Variants in HHIP observed in about 807,000 individuals in gnomAD.
The protein encoded by HHIP is hedgehog-interacting protein.
A neutral mutation model predicts 74.0 loss-of-function variants in HHIP; 12 were observed. That is an observed-to-expected ratio of 0.16 (90% CI 0.10 to 0.26). HHIP has a LOEUF of 0.26. HHIP is among the 10% of genes least tolerant of loss of function. The pLI is 1.00. For missense variants in HHIP, 788 were observed against 845.0 expected, an observed-to-expected ratio of 0.93 and a Z score of 0.84; for synonymous variants, 309 against 311.6, an observed-to-expected ratio of 0.99 and a Z score of 0.09.
intron 2 of HHIP, among the ~76,000 whole-genome samples, chr4:144,654,714 A>C (rs1728515623): frequency 6.6e-6 from 1 of 152,236 alleles, no homozygotes; most frequent in African/African-American, 2.4e-5. Context: ...CAATTGTGGA[A>C]CACAGATTTT....
chr4:144,676,187 T>C (rs1729164393), intron 4 of HHIP, among the ~76,000 whole-genome samples: 1 of 152,222 alleles, frequency 6.6e-6, no homozygotes, highest in African/African-American at 2.4e-5. Context: ...TACACAGCCA[T>C]CTGCTTCCAA....
At chr4:144,654,717 C>T (rs1167049345) in intron 2 of HHIP, among the ~76,000 whole-genome samples, 7 of 152,144 alleles carry the variant, frequency 4.6e-5, no homozygotes, top group African/African-American at 7.2e-5. Context: ...TTGTGGAACA[C>T]AGATTTTTTG....
At chr4:144,661,383 C>G (rs1036665043) in intron 4 of HHIP, 1 of 152,074 alleles carries the variant, frequency 6.6e-6, no homozygotes, top group South Asian at 2.1e-4. Context: ...GAAGAGCTCC[C>G]AGGTTTCTGG....
intron 4 of HHIP, among the ~76,000 whole-genome samples, chr4:144,698,961 C>A (rs1729899903): frequency 6.6e-6 from 1 of 152,118 alleles, no homozygotes; most frequent in South Asian, 2.1e-4. Flanking sequence ...GGCTAAGTAA[C>A]CTTTCAGGTT....
chr4:144,729,678 G>A (rs1730895091), intron 11 of HHIP, among the ~76,000 whole-genome samples: 1 of 152,132 alleles, frequency 6.6e-6, no homozygotes, highest in Non-Finnish European at 1.5e-5. Flanking sequence ...TTGCAAGGGT[G>A]CTCTTTTCCA....
rs866132904 is a variant in HHIP, at chr4:144,745,226, T to G, written c.*7269T>G. The G allele has an allele frequency of 1.3e-5, 2 of 152,212 alleles. No individual in the cohort carries two copies. Among genetic ancestry groups the G allele is most frequent in the Admixed American group, 6.5e-5 (1 of 15,286 alleles). 9.4% of individuals were successfully genotyped at this position (152,212 alleles called of 1,614,324 possible). A position where few individuals can be genotyped will look rare whatever the true frequency, so the allele number is the denominator to read the frequency against. ...ATTTGGTTAGATTGGCTGTGTTTTG[T>G]GTCTTTTAACATGATCAAATGATTA... On this transcript the variant is annotated 3_prime_UTR_variant, in exon 13 of 13. Transcript: ENST00000296575.
chr4:144,697,334 T>C (rs1729848643), intron 4 of HHIP, among the ~76,000 whole-genome samples: 1 of 152,042 alleles, frequency 6.6e-6, no homozygotes, highest in African/African-American at 2.4e-5. Flanking sequence ...AGGCTTATTG[T>C]TTTATTACTT....
At chr4:144,704,074 T>C (rs559779363) in intron 4 of HHIP, among the ~76,000 whole-genome samples, 2 of 152,342 alleles carry the variant, frequency 1.3e-5, no homozygotes, top group Non-Finnish European at 2.9e-5. Flanking sequence ...AGTATATCTA[T>C]CTGTCCTTTC....
At position 144,734,760 on chromosome 4, in the gene HHIP, T is replaced by A; in HGVS notation, c.1780T>A (p.Cys594Ser). The change falls in exon 12 of 13, where the codon TGC becomes AGC. Residue 594 changes from cysteine to serine, a missense_variant. By Grantham distance (112) the Cys-to-Ser change is moderately radical. Around this residue, in one of 3 missense-constraint regions of HHIP, gnomAD observed 343 missense variants for 347.9 expected, o/e 0.99. Transcript: ENST00000296575. ...ATGTAGACCTTTAATGCCTGAGGAA[T>A]GCAGAGCCACGGTACAACCTGCACA... The part of the protein sequence containing the change: ...DPKRPLMPEE[C>S]RATVQPAQTL... 6.3e-7 allele frequency: 1 copy of A among 1,595,018 alleles called. No homozygotes were observed. The highest frequency in any genetic ancestry group is 1.3e-5 in the African/African-American group (1 of 74,832).
intron 4 of HHIP, among the ~76,000 whole-genome samples, chr4:144,705,801 G>C (rs1439018291): frequency 6.6e-6 from 1 of 152,116 alleles, no homozygotes; most frequent in Non-Finnish European, 1.5e-5. Context: ...TTGGGATTTT[G>C]CTTTAATTTC....
intron 4 of HHIP, among the ~76,000 whole-genome samples, chr4:144,666,216 C>A (rs1728856814): frequency 6.6e-6 from 1 of 150,540 alleles, no homozygotes; most frequent in Non-Finnish European, 1.5e-5. Context: ...GTACAGAATT[C>A]CCTTTTGAAG....
In HHIP at chr4:144,734,833, C is replaced by T. The variant is rs1731063748; in HGVS notation, c.1853C>T (p.Thr618Ile). The stretch of plus-strand genomic sequence containing the variant: ...AGGCTCTGTCGAAACGGCTACTGCA[C>T]CCCCACGGGAAAGTGCTGCTGCAGT... ...CSRLCRNGYCTPTGKCCCSPG... is the reference protein window; with the variant it reads ...CSRLCRNGYCIPTGKCCCSPG... The change falls in exon 12 of 13, where the codon ACC becomes ATC. Residue 618 changes from threonine to isoleucine, a missense_variant. Physicochemically the swap from Thr to Ile is moderately conservative, Grantham distance 89. Coordinates refer to ENST00000296575, the MANE Select transcript of HHIP (RefSeq NM_022475.3). 1 of 1,612,670 alleles carries T rather than the reference C, an allele frequency of 6.2e-7. No individual in the cohort carries two copies. The highest frequency in any genetic ancestry group is 1.7e-5 in the Admixed American group (1 of 59,974).
Position 144,739,140 on chromosome 4 carries a change from A to G in HHIP, c.*1183A>G, listed in dbSNP as rs977169234. The G allele has an allele frequency of 6.6e-6, 1 of 152,260 alleles. No individual in the cohort carries two copies. The highest frequency in any genetic ancestry group is 1.5e-5 in the Non-Finnish European group (1 of 68,040). 9.4% of individuals were successfully genotyped at this position (152,260 alleles called of 1,614,324 possible). A position where few individuals can be genotyped will look rare whatever the true frequency, so the allele number is the denominator to read the frequency against. On this transcript the variant is annotated 3_prime_UTR_variant, in exon 13 of 13. Coordinates refer to ENST00000296575, the MANE Select transcript of HHIP (RefSeq NM_022475.3). ...AATGTACGTGTTCCTTCAGAACTCA[A>G]TGAAAATACTCTTTGGCTAATGTAT...
rs1325394436 is a variant in HHIP at position 144,646,569 on chromosome 4, C to T, written c.-107C>T. The T allele has an allele frequency of 8.7e-7, 1 of 1,153,706 alleles. No homozygotes were observed. Among genetic ancestry groups the T allele is most frequent in the Non-Finnish European group, 1.2e-6 (1 of 806,246 alleles). The allele number at this position is 1,153,706 out of a possible 1,614,324, so 71.5% of individuals were successfully genotyped here. The stretch of plus-strand genomic sequence containing the variant: ...CCACCTCCCTCTGTCTCTGGAGTGC[C>T]CTACAGCCCCGCAAACTCCTCCTGG... On this transcript the variant is annotated 5_prime_UTR_variant, in exon 1 of 13. Coordinates refer to ENST00000296575, the MANE Select transcript of HHIP (RefSeq NM_022475.3).
chr4:144,666,052 T>G (rs1439258047), intron 4 of HHIP, among the ~76,000 whole-genome samples: 1 of 152,194 alleles, frequency 6.6e-6, no homozygotes, highest in Non-Finnish European at 1.5e-5. Context: ...AAGTGAGATA[T>G]CTACCATCTT....
chr4:144,681,350 A>AT (rs1464869112), intron 4 of HHIP, among the ~76,000 whole-genome samples: 2 of 152,114 alleles, frequency 1.3e-5, no homozygotes, highest in Admixed American at 6.5e-5. Flanking sequence ...TGCACTAAAC[A>AT]TAAAAAAAAA....
At chr4:144,656,475 A>C (rs911018667) in intron 2 of HHIP, among the ~76,000 whole-genome samples, 21 of 152,170 alleles carry the variant, frequency 1.4e-4, no homozygotes, top group Admixed American at 2.6e-4. Context: ...ATTCCCTTTA[A>C]ATTGGAATTG....
intron 8 of HHIP, 99 bp downstream of exon 8, chr4:144,712,170 G>A (rs1010799734): frequency 9.2e-7 from 1 of 1,090,528 alleles, no homozygotes; most frequent in African/African-American, 1.6e-5. Flanking sequence ...ATGAGCATTT[G>A]GGAAAGCATA....
intron 4 of HHIP, among the ~76,000 whole-genome samples, chr4:144,662,848 A>T (rs984737665): frequency 6.6e-6 from 1 of 152,196 alleles, no homozygotes; most frequent in Admixed American, 6.5e-5. Flanking sequence ...AATTGAGCTT[A>T]TATCTGAGCT....
Sources: allele counts gnomAD v4.1 joint callset (sites outside exome capture counted in the v4.1 genomes callset), GRCh38; gene constraint gnomAD v4.1.1; regional missense constraint gnomAD v4.1.1; transcripts MANE v1.5; gene names NCBI Gene and HGNC (gene_info 2026-07-23, HGNC 2026-07-21).